The following ALK variants were observed in gnomAD, a reference collection of about 807,000 sequenced individuals.
The protein encoded by ALK is ALK tyrosine kinase receptor.
Under a neutral mutation model 163.1 loss-of-function variants are expected in ALK, and 74 were observed. The ratio of observed to expected loss-of-function variants is 0.45; its 90% CI spans 0.38 to 0.55. The LOEUF (loss-of-function observed/expected upper bound fraction) is 0.55, where lower values mean the gene tolerates loss of function less well. ALK is among the 20% of genes least tolerant of loss of function. ALK has a pLI of 0.00. For synonymous variants in ALK, 960 were observed against 843.2 expected (o/e 1.14, Z -2.40); for missense variants, 2,063 against 2,105.3 (o/e 0.98, Z 0.39).
At chr2:29,367,359 T>A (rs1186542455) in intron 5 of ALK, among the ~76,000 whole-genome samples, 2 of 152,192 alleles carry the variant, frequency 1.3e-5, no homozygotes, top group Non-Finnish European at 2.9e-5. Flanking sequence ...TAAAAACTCA[T>A]GACTTGGCCA....
intron 3 of ALK, among the ~76,000 whole-genome samples, chr2:29,666,658 C>G (rs1677521651): frequency 6.6e-6 from 1 of 152,040 alleles, no homozygotes; most frequent in Non-Finnish European, 1.5e-5. Flanking sequence ...GAGCTCCAAT[C>G]TTGAGCATGC....
At chr2:29,546,737 T>C (rs1673564932) in intron 3 of ALK, among the ~76,000 whole-genome samples, 1 of 152,230 alleles carries the variant, frequency 6.6e-6, no homozygotes, top group Non-Finnish European at 1.5e-5. Flanking sequence ...TGCTAAGAGG[T>C]AGCGGCTTTT....
chr2:29,270,287 A>G (rs1386398434), intron 11 of ALK, among the ~76,000 whole-genome samples: 1 of 152,206 alleles, frequency 6.6e-6, no homozygotes, highest in African/African-American at 2.4e-5. Context: ...TGCCTTTTAC[A>G]CAAGTTGTCT....
At chr2:29,253,485 A>G (rs1447414245) in intron 11 of ALK, among the ~76,000 whole-genome samples, 1 of 152,068 alleles carries the variant, frequency 6.6e-6, no homozygotes, top group East Asian at 1.9e-4. Context: ...AACTCTAAAC[A>G]TGTGAGTGTG....
intron 4 of ALK, among the ~76,000 whole-genome samples, chr2:29,499,169 C>T (rs139785158): frequency 6.6e-6 from 1 of 152,156 alleles, no homozygotes. Flanking sequence ...GAGAATCCAA[C>T]ATCTGAGTAT....
intron 3 of ALK, among the ~76,000 whole-genome samples, chr2:29,693,406 T>TACACACACACACACAC (rs58588313): frequency 4.8e-5 from 7 of 145,174 alleles, no homozygotes; most frequent in Non-Finnish European, 7.6e-5. Flanking sequence ...AGCACTCACC[T>TACACACACACACACAC]ACACACACAC....
chr2:29,872,596 G>C (rs1326592335), intron 1 of ALK, among the ~76,000 whole-genome samples: 1 of 152,010 alleles, frequency 6.6e-6, no homozygotes, highest in East Asian at 2.0e-4. Flanking sequence ...GCCTTTGTTC[G>C]CTGCTGCTGC....
chr2:29,894,814 G>A (rs910494434), intron 1 of ALK, among the ~76,000 whole-genome samples: 2 of 150,444 alleles, frequency 1.3e-5, no homozygotes, highest in African/African-American at 2.5e-5. Flanking sequence ...ACTAGTATCT[G>A]TGAGAATGTG....
intron 3 of ALK, among the ~76,000 whole-genome samples, chr2:29,579,568 C>T (rs572246778): frequency 4.9e-4 from 75 of 152,296 alleles, no homozygotes; most frequent in African/African-American, 1.8e-3. Context: ...CAGCGATGTC[C>T]TCTATACACT....
intron 1 of ALK, among the ~76,000 whole-genome samples, chr2:29,848,438 C>A (rs1209890053): frequency 6.6e-6 from 1 of 151,706 alleles, no homozygotes; most frequent in Admixed American, 6.6e-5. Context: ...CAGATATGTG[C>A]TTTCTAACCA....
intron 6 of ALK, among the ~76,000 whole-genome samples, chr2:29,323,638 C>T (rs1361552075): frequency 6.6e-6 from 1 of 152,172 alleles, no homozygotes; most frequent in Non-Finnish European, 1.5e-5. Context: ...CTCATCAGGG[C>T]AGCTTGCTCA....
chr2:29,657,065 G>A (rs1219443036), intron 3 of ALK, among the ~76,000 whole-genome samples: 2 of 152,148 alleles, frequency 1.3e-5, no homozygotes, highest in African/African-American at 2.4e-5. Context: ...AAGTTGCAAG[G>A]AGGATGAACC....
intron 3 of ALK, among the ~76,000 whole-genome samples, chr2:29,617,972 G>A (rs1046336228): frequency 6.6e-6 from 1 of 152,156 alleles, no homozygotes; most frequent in Admixed American, 6.5e-5. Flanking sequence ...TGGGAGACCT[G>A]CCCTTGCACG....
chr2:29,848,366 C>A (rs1665901119), intron 1 of ALK, among the ~76,000 whole-genome samples: 1 of 145,474 alleles, frequency 6.9e-6, no homozygotes, highest in African/African-American at 2.5e-5. Flanking sequence ...TTTTTTTAAA[C>A]TAGCAAGTTT....
At chr2:29,605,352 C>T (rs1014466848) in intron 3 of ALK, among the ~76,000 whole-genome samples, 2 of 152,142 alleles carry the variant, frequency 1.3e-5, no homozygotes, top group Non-Finnish European at 2.9e-5. Context: ...GAACCAGTAT[C>T]GGTCCATGGC....
intron 3 of ALK, among the ~76,000 whole-genome samples, chr2:29,568,648 C>A (rs919268704): frequency 2.6e-5 from 4 of 152,202 alleles, no homozygotes; most frequent in Non-Finnish European, 4.4e-5. Context: ...AGCTCACTAA[C>A]TGCAGAACCT....
chr2:29,896,615 C>A (rs1306966505), intron 1 of ALK, among the ~76,000 whole-genome samples: 1 of 152,172 alleles, frequency 6.6e-6, no homozygotes, highest in Non-Finnish European at 1.5e-5. Flanking sequence ...CTTCTAGCCT[C>A]AAGAACTGTG....
chr2:29,549,555 T>G (rs1673661935), intron 3 of ALK, among the ~76,000 whole-genome samples: 1 of 152,218 alleles, frequency 6.6e-6, no homozygotes, highest in East Asian at 1.9e-4. Context: ...CTGAATTTAT[T>G]TTATTTAATT....
chr2:29,722,840 ACC>A (rs1006353612), intron 1 of ALK, among the ~76,000 whole-genome samples: 1 of 151,858 alleles, frequency 6.6e-6, no homozygotes, highest in African/African-American at 2.4e-5. Context: ...CTTCCCCTAA[ACC>A]CCAGGTATTC....
Sources: allele counts gnomAD v4.1 joint callset (sites outside exome capture counted in the v4.1 genomes callset), GRCh38; gene constraint gnomAD v4.1.1; transcripts MANE v1.5; gene names NCBI Gene and HGNC (gene_info 2026-07-23, HGNC 2026-07-21).